CADM2: variants seen among roughly 807,000 people sequenced by gnomAD.
CADM2 encodes immunoglobulin superfamily member 4D.
In CADM2, 12 loss-of-function variants were observed where a neutral mutation model predicts 49.8. The ratio of observed to expected loss-of-function variants is 0.24; its 90% CI spans 0.15 to 0.39. The LOEUF (loss-of-function observed/expected upper bound fraction) is 0.39, where lower values mean the gene tolerates loss of function less well. Among genes scored for constraint, CADM2 ranks in the 10% least tolerant of loss-of-function variants. CADM2 has a pLI of 1.00. For synonymous variants in CADM2, 214 were observed against 175.4 expected, an observed-to-expected ratio of 1.22 and a Z score of -1.74; for missense variants, 378 against 492.3, an observed-to-expected ratio of 0.77 and a Z score of 2.20.
intron 1 of CADM2, among the ~76,000 whole-genome samples, chr3:85,343,188 A>G (rs1218561915): frequency 6.6e-6 from 1 of 152,198 alleles, no homozygotes; most frequent in African/African-American, 2.4e-5. Flanking sequence ...CACGAGAATT[A>G]CTTATGCCAA....
intron 1 of CADM2, among the ~76,000 whole-genome samples, chr3:85,704,402 G>A (rs1559603302): frequency 6.6e-6 from 1 of 152,100 alleles, no homozygotes; most frequent in Non-Finnish European, 1.5e-5. Flanking sequence ...GCAAACATTT[G>A]TTTCTCACAG....
intron 1 of CADM2, among the ~76,000 whole-genome samples, chr3:85,292,297 G>T (rs887187595): frequency 6.7e-6 from 1 of 149,902 alleles, no homozygotes; most frequent in Non-Finnish European, 1.5e-5. Flanking sequence ...AGCAAGTCCT[G>T]AGTGACCTAC....
intron 3 of CADM2, among the ~76,000 whole-genome samples, chr3:85,804,104 G>T (rs1012575727): frequency 6.6e-6 from 1 of 151,868 alleles, no homozygotes; most frequent in Non-Finnish European, 1.5e-5. Context: ...TTTGCTTTTC[G>T]TATTAATTGG....
rs2067316674 is a variant in CADM2, at chr3:85,716,968, T to C, written c.62-9554T>C. ...TTGTTCTTTTTGATTAGGATTGTCT[T>C]GGCTATATGGGCTCTTTTTTGGTTC... On this transcript the variant is annotated intron_variant, in intron 1 of 9. Coordinates refer to ENST00000383699, the MANE Select transcript of CADM2 (RefSeq NM_001167675.2). Among the ~76,000 whole-genome samples the C allele has an allele frequency of 1.3e-5, 2 of 152,328 alleles. 1 individual carries two copies. The highest frequency in any genetic ancestry group is 4.1e-4 in the South Asian group (2 of 4,826).
At chr3:85,568,449 T>TCTC (rs1559915889) in intron 1 of CADM2, among the ~76,000 whole-genome samples, 4 of 27,784 alleles carry the variant, frequency 1.4e-4, no homozygotes, top group African/African-American at 4.1e-4. Context: ...CTTTCTTTCT[T>TCTC]TCTTTCTTTC....
intron 1 of CADM2, among the ~76,000 whole-genome samples, chr3:85,257,349 T>C (rs1337362415): frequency 2.0e-5 from 3 of 152,106 alleles, no homozygotes; most frequent in Non-Finnish European, 4.4e-5. Context: ...TTTATGTGAT[T>C]TAATAACTAT....
intron 1 of CADM2, among the ~76,000 whole-genome samples, chr3:85,121,855 T>C (rs557085050): frequency 2.0e-4 from 31 of 152,284 alleles, no homozygotes; most frequent in Admixed American, 7.2e-4. Flanking sequence ...TAATTAAAGT[T>C]ATTTGGCATA....
At chr3:85,383,616 A>G (rs1576456833) in intron 1 of CADM2, among the ~76,000 whole-genome samples, 1 of 148,152 alleles carries the variant, frequency 6.7e-6, no homozygotes, top group Admixed American at 6.8e-5. Context: ...AATTATCCTC[A>G]TTTTTCTCTC....
At chr3:85,526,583 A>G (rs887707794) in intron 1 of CADM2, among the ~76,000 whole-genome samples, 4 of 152,170 alleles carry the variant, frequency 2.6e-5, no homozygotes, top group Non-Finnish European at 4.4e-5. Flanking sequence ...CTGAACAAAT[A>G]ATACAGCCCA....
At chr3:85,457,240 C>A (rs1294701373) in intron 1 of CADM2, among the ~76,000 whole-genome samples, 1 of 152,004 alleles carries the variant, frequency 6.6e-6, no homozygotes, top group East Asian at 1.9e-4. Flanking sequence ...TGGCAAAACA[C>A]CATCTCTACA....
chr3:85,769,668 A>G (rs566929961), intron 2 of CADM2, among the ~76,000 whole-genome samples: 9 of 141,260 alleles, frequency 6.4e-5, no homozygotes, highest in Admixed American at 3.7e-4. Flanking sequence ...TAGTATATAT[A>G]TACACATATA....
intron 1 of CADM2, among the ~76,000 whole-genome samples, chr3:85,070,957 C>T (rs2036713194): frequency 6.6e-6 from 1 of 151,368 alleles, no homozygotes; most frequent in South Asian, 2.1e-4. Context: ...CCACCGCACT[C>T]CAGCCTGGGC....
Position 85,021,072 on chromosome 3 carries a change from G to T in CADM2, c.61+61404G>T, listed in dbSNP as rs186825408. On this transcript the variant is annotated intron_variant, in intron 1 of 9. Coordinates refer to ENST00000383699, the MANE Select transcript of CADM2 (RefSeq NM_001167675.2). ...GCGGGGGTTGCAGTGAGCCAAGATT[G>T]TGCCTTTGCATTACAGCCTGGGTGA... 2.7e-3 allele frequency among the ~76,000 whole-genome samples: 380 copies of T among 140,298 alleles called. 5 individuals are homozygous for T. Among genetic ancestry groups the T allele is most frequent in the African/African-American group, 9.9e-3 (371 of 37,534 alleles). 92.0% of individuals were successfully genotyped at this position (140,298 alleles called of 152,430 possible). A position where few individuals can be genotyped will look rare whatever the true frequency, so the allele number is the denominator to read the frequency against.
intron 1 of CADM2, among the ~76,000 whole-genome samples, chr3:85,309,615 G>T (rs1330605772): frequency 1.3e-5 from 2 of 152,072 alleles, no homozygotes; most frequent in South Asian, 2.1e-4. Context: ...TATTATAAGG[G>T]TTTCTAACAA....
intron 1 of CADM2, among the ~76,000 whole-genome samples, chr3:85,672,996 A>C (rs2107638109): frequency 6.6e-6 from 1 of 152,306 alleles, no homozygotes; most frequent in African/African-American, 2.4e-5. Flanking sequence ...GTGTTAATGC[A>C]ATATTTCTTG....
intron 8 of CADM2, chr3:85,994,333 A>T (rs988313904): frequency 1.3e-5 from 2 of 152,224 alleles, no homozygotes; most frequent in African/African-American, 2.4e-5. Flanking sequence ...TCTTCACAGA[A>T]TTGAAGAGAG....
intron 8 of CADM2, among the ~76,000 whole-genome samples, chr3:85,971,704 T>A (rs1309855810): frequency 6.6e-6 from 1 of 151,630 alleles, no homozygotes; most frequent in African/African-American, 2.4e-5. Flanking sequence ...TATAGGATAA[T>A]CCACTTCAAA....
At chr3:85,657,077 C>T (rs369942697) in intron 1 of CADM2, among the ~76,000 whole-genome samples, 7 of 152,198 alleles carry the variant, frequency 4.6e-5, no homozygotes, top group Non-Finnish European at 1.0e-4. Flanking sequence ...TTTCTCCCCA[C>T]TTAGATTCAA....
At chr3:85,125,337 T>C (rs2107599346) in intron 1 of CADM2, among the ~76,000 whole-genome samples, 1 of 152,200 alleles carries the variant, frequency 6.6e-6, no homozygotes, top group Middle Eastern at 3.4e-3. Context: ...ACAACAAATT[T>C]TGGCAAAGAG....
Sources: gnomAD v4.1 joint callset for allele counts (sites outside exome capture counted in the v4.1 genomes callset) on GRCh38, gnomAD v4.1.1 for gene constraint, MANE v1.5 for transcripts, NCBI Gene and HGNC (gene_info 2026-07-23, HGNC 2026-07-21) for gene names.